MAGED2: variants seen among roughly 807,000 people sequenced by gnomAD.
MAGED2 encodes melanoma-associated antigen D2.
In MAGED2, 6 loss-of-function variants were observed where a neutral mutation model predicts 41.7. The ratio of observed to expected loss-of-function variants is 0.14; its 90% CI spans 0.08 to 0.28. The LOEUF is 0.28. MAGED2 is among the 10% of genes least tolerant of loss of function. The pLI is 1.00. For synonymous variants in MAGED2, 146 were observed against 178.2 expected (o/e 0.82, Z 1.44); for missense variants, 343 against 486.4 (o/e 0.71, Z 2.77).
In MAGED2 at chrX:54,810,878, A is replaced by G. The variant is rs1929778285; in HGVS notation, c.595A>G (p.Thr199Ala). The change falls in exon 4 of 13, where the codon ACC (threonine) becomes GCC (alanine). Residue 199 changes from threonine (T) to alanine (A), a missense_variant. This residue lies in a region of MAGED2 where 195 missense variants were observed against 221.2 expected (regional missense o/e 0.88). Coordinates refer to ENST00000375068, the MANE Select transcript of MAGED2 (RefSeq NM_177433.3). The part of the protein sequence containing the change: ...GSSDQSQASG[T>A]TGGRRVSKAL... ...CAGTGATCAGAGTCAGGCTTCTGGA[A>G]CCACAGGTGGCCGAAGGGTCTCAAA... The G allele has an allele frequency of 1.1e-5, 13 of 1,200,701 alleles. No individual in the cohort carries two copies. The East Asian group carries it at 3.9e-4, about 36-fold the overall frequency.
In MAGED2 at chrX:54,810,082, A is replaced by T; in HGVS notation, c.406A>T (p.Thr136Ser). 8.3e-7 allele frequency: 1 copy of T among 1,208,513 alleles called. No homozygotes were observed. Among genetic ancestry groups the T allele is most frequent in the South Asian group, 1.8e-5 (1 of 56,364 alleles). ...VSHVADTKVN[T>S]KAQETEAAPS... ...CCATGTGGCTGATACAAAGGTCAAT[A>T]CAAAGGCTCAGGAGACTGAGGCTGC... The change falls in exon 3 of 13, where the codon ACA becomes TCA. Residue 136 changes from threonine (T) to serine (S), a missense_variant. Transcript: ENST00000375068.
intron 1 of MAGED2, chrX:54,808,988 G>T: frequency 9.5e-6 from 3 of 315,213 alleles, no homozygotes; most frequent in Admixed American, 9.3e-5. Context: ...GGGAAAGCGG[G>T]CGGGGCTGAG....
chrX:54,809,578 A>C, intron 2 of MAGED2, 144 bp from the exon 3 acceptor site: 2 of 1,011,193 alleles, frequency 2.0e-6, no homozygotes, highest in Non-Finnish European at 2.7e-6. Context: ...GAGGAAAGGG[A>C]GGCCTTGTTG....
At position 54,810,182 on chromosome X, in the gene MAGED2, G is replaced by A. The variant is rs1202050376; in HGVS notation, c.506G>A (p.Arg169Gln). ...AAQSQENQDT[R>Q]PKVKAKKARK... is the part of the protein sequence containing the mutation. ...CAGTCTCAGGAGAATCAGGATACTC[G>A]GCCCAAGGTCAAAGCCAAGAAAGCC... The change falls in exon 3 of 13, where the codon CGG becomes CAG. Residue 169 changes from arginine (R) to glutamine (Q), a missense_variant. Arg to Gln is a conservative substitution (Grantham distance 43). Around this residue, in one of 3 missense-constraint regions of MAGED2, gnomAD observed 195 missense variants for 221.2 expected, o/e 0.88. Coordinates refer to ENST00000375068, the MANE Select transcript of MAGED2 (RefSeq NM_177433.3). The A allele has an allele frequency of 1.7e-6, 2 of 1,159,186 alleles. No individual in the cohort carries two copies. The highest frequency in any genetic ancestry group is 1.1e-6 in the Non-Finnish European group (1 of 870,520).
At chrX:54,813,387 A>G in intron 9 of MAGED2, 101 bp from the exon 10 acceptor site, 1 of 886,585 alleles carries the variant, frequency 1.1e-6, no homozygotes, top group Non-Finnish European at 1.6e-6. Context: ...TTGTGCTGGA[A>G]ACCTCTTTTC....
Position 54,815,906 on chromosome X carries a change from T to G in MAGED2, c.*34T>G, listed in dbSNP as rs1929957225. 2.5e-6 allele frequency: 1 copy of G among 404,654 alleles called. No homozygotes were observed. Among genetic ancestry groups the G allele is most frequent in the Non-Finnish European group, 4.3e-6 (1 of 234,995 alleles). The allele number at this position is 404,654 out of a possible 1,213,427, so 33.3% of individuals were successfully genotyped here. On this transcript the variant is annotated 3_prime_UTR_variant, in exon 13 of 13. Transcript: ENST00000375068. ...ATATTGTTAATCCTGCCAGTCTTTC[T>G]CTTCAAGCCAGGGTGCATCCTCAGA...
chrX:54,809,433 G>T, intron 2 of MAGED2, 57 bp downstream of exon 2: 1 of 1,084,646 alleles, frequency 9.2e-7, no homozygotes, highest in Non-Finnish European at 1.3e-6. Context: ...CCTTGTTGCT[G>T]CCCCCAAGTC....
intron 9 of MAGED2, 146 bp from the exon 10 acceptor site, chrX:54,813,342 C>A: frequency 1.2e-6 from 1 of 835,902 alleles, no homozygotes; most frequent in Non-Finnish European, 1.7e-6. Flanking sequence ...TGCTCCCTCT[C>A]TCAGTGTCTC....
At position 54,809,097 on chromosome X, in the gene MAGED2, C is replaced by T. The variant is rs761567484; in HGVS notation, c.-29-206C>T. 1.9e-5 allele frequency: 8 copies of T among 412,677 alleles called. No individual in the cohort carries two copies. The Admixed American group carries it at 3.2e-4, about 17-fold the overall frequency. The allele number at this position is 412,677 out of a possible 1,213,427, so 34.0% of individuals were successfully genotyped here. A position where few individuals can be genotyped will look rare whatever the true frequency, so the allele number is the denominator to read the frequency against. ...GGGGTCCTCAGAGCTGCCGCGCTGG[C>T]ACATCTTCCTGGAGAAGGGGAGGGT... On this transcript the variant is annotated intron_variant, in intron 1 of 12. Transcript: ENST00000375068.
chrX:54,809,089 C>A, intron 1 of MAGED2: 1 of 411,365 alleles, frequency 2.4e-6, no homozygotes. Context: ...TCAGAGCTGC[C>A]GCGCTGGCAC....
Position 54,815,925 on chromosome X carries a change from C to T in MAGED2, c.*53C>T. On this transcript the variant is annotated 3_prime_UTR_variant, in exon 13 of 13. Coordinates refer to ENST00000375068, the MANE Select transcript of MAGED2 (RefSeq NM_177433.3). ...TCTTTCTCTTCAAGCCAGGGTGCAT[C>T]CTCAGAAACCTACTCAACACAGCAC... 1 of 382,821 alleles carries T rather than the reference C, an allele frequency of 2.6e-6. No individual in the cohort carries two copies. Among genetic ancestry groups the T allele is most frequent in the African/African-American group, 2.5e-5 (1 of 40,139 alleles). 31.5% of individuals were successfully genotyped at this position (382,821 alleles called of 1,213,427 possible).
intron 6 of MAGED2, among the ~76,000 whole-genome samples, 179 bp downstream of exon 6, chrX:54,811,832 G>A (rs1929817127): frequency 9.0e-6 from 1 of 111,696 alleles, no homozygotes; most frequent in Non-Finnish European, 1.9e-5. Context: ...GCAAGTCAAT[G>A]GTAAAAGTGC....
Position 54,810,907 on chromosome X carries a change from C to T in MAGED2, c.624C>T (p.Ala208=), listed in dbSNP as rs1043044. 437,041 of 1,205,356 alleles carry T rather than the reference C, an allele frequency of 0.36. 55,067 individuals carry two copies. Among genetic ancestry groups the T allele is most frequent in the East Asian group, 0.63 (21,268 of 33,579 alleles). ...GTTGGRRVSK[A]LMASMARRAS... is the part of the protein sequence containing the mutation. ...CAGGTGGCCGAAGGGTCTCAAAGGC[C>T]CTAATGGCCTCAATGGCCCGCAGGG... The change falls in exon 4 of 13, where the codon GCC becomes GCT. Residue 208 remains alanine (A), a synonymous_variant. Transcript: ENST00000375068.
In MAGED2 at chrX:54,809,804, C is replaced by T. The variant is rs201160051; in HGVS notation, c.128C>T (p.Pro43Leu). The change falls in exon 3 of 13, where the codon CCG (proline) becomes CTG (leucine). Residue 43 changes from proline to leucine, a missense_variant. This residue lies in a region of MAGED2 where 195 missense variants were observed against 221.2 expected (regional missense o/e 0.88). Coordinates refer to ENST00000375068, the MANE Select transcript of MAGED2 (RefSeq NM_177433.3). ...VTQNVEVPET[P>L]KASKALEVSE... ...CAGAATGTGGAGGTCCCAGAGACAC[C>T]GAAGGCCTCAAAGGCACTGGAGGTC... The T allele has an allele frequency of 4.8e-5, 58 of 1,201,746 alleles. No homozygotes were observed. The African/African-American group carries it at 6.2e-4, about 13-fold the overall frequency.
At chrX:54,810,525 C>T (rs1161500295) in intron 3 of MAGED2, among the ~76,000 whole-genome samples, 1 of 111,700 alleles carries the variant, frequency 9.0e-6, no homozygotes, top group East Asian at 2.8e-4. Flanking sequence ...AAGCTGAGTT[C>T]CAGAGAGGTG....
In MAGED2 at chrX:54,815,544, C is replaced by T. The variant is rs754468012; in HGVS notation, c.1683C>T (p.Ala561=). The change falls in exon 12 of 13, where the codon GCC becomes GCT. Residue 561 remains alanine (A), a synonymous_variant. Coordinates refer to ENST00000375068, the MANE Select transcript of MAGED2 (RefSeq NM_177433.3). ...ASTSTNNSAS[A]SASTSGGFSA... ...CCAGTACCAATAACAGTGCCAGTGCCAGTGCCAGCACCAGTGGTGGCTTCA... is the reference window on the plus strand; with the variant it reads ...CCAGTACCAATAACAGTGCCAGTGCTAGTGCCAGCACCAGTGGTGGCTTCA... 8 of 1,179,497 alleles carry T rather than the reference C, an allele frequency of 6.8e-6. No individual in the cohort carries two copies. Among genetic ancestry groups the T allele is most frequent in the Non-Finnish European group, 9.1e-6 (8 of 877,085 alleles).
At chrX:54,809,536 C>T (rs1317712906) in intron 2 of MAGED2, among the ~76,000 whole-genome samples, 160 bp downstream of exon 2, 1 of 111,361 alleles carries the variant, frequency 9.0e-6, no homozygotes. Context: ...AGAAGGTGGG[C>T]GGGCCCCTCT....
intron 5 of MAGED2, 104 bp from the exon 6 acceptor site, chrX:54,811,470 G>A (rs766477844): frequency 6.7e-5 from 59 of 884,994 alleles, no homozygotes; most frequent in Non-Finnish European, 9.7e-5. Context: ...GCACAGAACC[G>A]GGTTATGCCA....
rs746508104 is a variant in MAGED2, at chrX:54,810,133, C to T, written c.457C>T (p.Pro153Ser). ...AAPSQAPADE[P>S]EPESAAAQSQ... is the part of the protein sequence containing the mutation. ...ACCCTCTCAGGCCCCAGCAGATGAA[C>T]CTGAGCCTGAGAGTGCAGCTGCCCA... Residue 153 changes from proline to serine, a missense_variant, in exon 3 of 13, where the codon CCT becomes TCT. By Grantham distance (74) the Pro-to-Ser change is moderately conservative (BLOSUM62 -1). Around this residue, in one of 3 missense-constraint regions of MAGED2, gnomAD observed 195 missense variants for 221.2 expected, o/e 0.88. Coordinates refer to ENST00000375068, the MANE Select transcript of MAGED2 (RefSeq NM_177433.3). 29 of 1,197,139 alleles carry T rather than the reference C, an allele frequency of 2.4e-5. No homozygotes were observed. The highest frequency in any genetic ancestry group is 3.2e-5 in the Non-Finnish European group (28 of 887,325).
Sources: allele counts gnomAD v4.1 joint callset (sites outside exome capture counted in the v4.1 genomes callset), GRCh38; gene constraint gnomAD v4.1.1; regional missense constraint gnomAD v4.1.1; transcripts MANE v1.5; gene names NCBI Gene and HGNC (gene_info 2026-07-23, HGNC 2026-07-21).